Variants in SHISAL1 observed in about 807,000 individuals in gnomAD.
SHISAL1 encodes the protein protein shisa-like-1.
A neutral mutation model predicts 22.6 loss-of-function variants in SHISAL1; 9 were observed. That is an observed-to-expected ratio of 0.40 (90% CI 0.24 to 0.70). The LOEUF (loss-of-function observed/expected upper bound fraction) is 0.70. Ranked by LOEUF, SHISAL1 falls within the 30% of genes least tolerant of loss-of-function variation. SHISAL1 has a pLI of 0.39. For synonymous variants in SHISAL1, 119 were observed against 115.4 expected (o/e 1.03, Z -0.20); for missense variants, 246 against 270.6 (o/e 0.91, Z 0.64).
At chr22:44,299,799 AAGAC>A (rs916112032) in intron 2 of SHISAL1, among the ~76,000 whole-genome samples, 74 of 150,928 alleles carry the variant, frequency 4.9e-4, no homozygotes, top group Admixed American at 3.8e-3. Context: ...GAGATAGAAA[AAGAC>A]AGAGGCAGAC....
chr22:44,284,911 C>CTTCT (rs1425248298), intron 4 of SHISAL1, among the ~76,000 whole-genome samples: 6 of 151,632 alleles, frequency 4.0e-5, no homozygotes, highest in Non-Finnish European at 7.4e-5. Context: ...TCCTTCCTTC[C>CTTCT]TTCCTTCCTT....
At chr22:44,323,456 CCATT>C in the SHISAL1 span, among the ~76,000 whole-genome samples, 16,349 of 138,000 alleles carry the variant, frequency 0.12, 2,742 homozygotes, top group East Asian at 0.15. Context: ...ATCCATCCAT[CCATT>C]CATCCATCCA....
chr22:44,256,430 C>T lies in SHISAL1; in HGVS notation c.*-6745G>A, dbSNP rs138407800. ...AGGAGCCAACTCCCTACAGTGTGTG[C>T]CTTCATGTGTGTCTATATGCGACTG... On this transcript the variant is annotated intron_variant, in intron 4 of 4. Transcript: ENST00000381176. Among the ~76,000 whole-genome samples the T allele has an allele frequency of 2.2e-4, 34 of 152,272 alleles. No homozygotes were observed. In the East Asian group the frequency reaches 5.2e-3, roughly 23 times the overall value.
chr22:44,285,065 G>A (rs1169499570), intron 4 of SHISAL1, among the ~76,000 whole-genome samples: 1 of 152,142 alleles, frequency 6.6e-6, no homozygotes, highest in Non-Finnish European at 1.5e-5. Flanking sequence ...AGACTGATTT[G>A]CTTCCTTTGG....
rs1221357764 is a variant in SHISAL1 at position 44,310,509 on chromosome 22, C to T, written c.-33+2242G>A. 2.6e-5 allele frequency among the ~76,000 whole-genome samples: 4 copies of T among 152,180 alleles called. No homozygotes were observed. The highest frequency in any genetic ancestry group is 3.9e-4 in the East Asian group (2 of 5,182). On this transcript the variant is annotated intron_variant, in intron 1 of 4. Transcript: ENST00000381176. This position sits in a 1 kb window ranked among gnomAD's most constrained non-coding sequence, Gnocchi z 4.0. Reference sequence around the variant, plus strand: ...GGGTGATCTAGGGCAAGTTACTTCACGGGCTTCAGCTTCCTCATCTGTGAA... The same window carrying T: ...GGGTGATCTAGGGCAAGTTACTTCATGGGCTTCAGCTTCCTCATCTGTGAA...
At chr22:44,296,959 C>T (rs1054446063) in intron 2 of SHISAL1, 74 bp from the exon 3 acceptor site, 66 of 1,199,804 alleles carry the variant, frequency 5.5e-5, no homozygotes, top group Non-Finnish European at 7.1e-5. Context: ...GGGGACTGGC[C>T]GGCCTCTTCT....
intron 4 of SHISAL1, among the ~76,000 whole-genome samples, chr22:44,259,330 C>G (rs375151576): frequency 2.0e-5 from 3 of 152,078 alleles, no homozygotes; most frequent in African/African-American, 7.2e-5. Context: ...CCCAGCTACT[C>G]AGGAGGCTGA....
rs1465950955 is a variant in SHISAL1, at chr22:44,247,040, C to T, written c.*2645G>A. The T allele has an allele frequency of 2.6e-5, 4 of 152,184 alleles. No homozygotes were observed. Among genetic ancestry groups the T allele is most frequent in the African/African-American group, 4.8e-5 (2 of 41,408 alleles). The allele number at this position is 152,184 out of a possible 1,614,324, so 9.4% of individuals were successfully genotyped here. ...GGGGGCAGGCAGGAGGAATGTCCTCCTAGAAGGTTGTACATCTCAAGGGAT... is the reference window on the plus strand; with the variant it reads ...GGGGGCAGGCAGGAGGAATGTCCTCTTAGAAGGTTGTACATCTCAAGGGAT... On this transcript the variant is annotated 3_prime_UTR_variant, in exon 5 of 5. Coordinates refer to ENST00000381176, the MANE Select transcript of SHISAL1 (RefSeq NM_001099294.2).
chr22:44,309,033 C>A (rs1217384477), intron 1 of SHISAL1, among the ~76,000 whole-genome samples: 1 of 152,196 alleles, frequency 6.6e-6, no homozygotes, highest in Non-Finnish European at 1.5e-5. Context: ...CCGTGGGCAT[C>A]CCTTTCCCCA....
chr22:44,330,994 C>T, the SHISAL1 span, among the ~76,000 whole-genome samples: 1 of 152,224 alleles, frequency 6.6e-6, no homozygotes, highest in Non-Finnish European at 1.5e-5. Context: ...GCCCTCAGTC[C>T]CCGTGCAGCC....
Position 44,310,130 on chromosome 22 carries a change from C to A in SHISAL1, c.-33+2621G>T, listed in dbSNP as rs2055508141. Among the ~76,000 whole-genome samples the A allele has an allele frequency of 6.6e-6, 1 of 152,212 alleles. No homozygotes were observed. Among genetic ancestry groups the A allele is most frequent in the African/African-American group, 2.4e-5 (1 of 41,458 alleles). ...CACACCCTAGTAACGGCCAATGTGA[C>A]CTGAGCCCTGCTGACCTGATGCCTA... On this transcript the variant is annotated intron_variant, in intron 1 of 4. Transcript: ENST00000381176. The surrounding 1 kb of genome is among the most constrained non-coding windows in gnomAD (Gnocchi z 4.0).
At chr22:44,278,437 G>A (rs1286629824) in intron 4 of SHISAL1, among the ~76,000 whole-genome samples, 1 of 152,240 alleles carries the variant, frequency 6.6e-6, no homozygotes, top group Non-Finnish European at 1.5e-5. Context: ...CAGTCCTCCA[G>A]CAAGCAGGGG....
chr22:44,263,085 T>C (rs1181626044), intron 4 of SHISAL1, among the ~76,000 whole-genome samples: 24 of 142,644 alleles, frequency 1.7e-4, no homozygotes, highest in South Asian at 4.7e-4. Flanking sequence ...CTTTCTTTTT[T>C]TTTTTTTTTT....
chr22:44,293,244 C>A (rs760849058), intron 3 of SHISAL1, among the ~76,000 whole-genome samples: 18 of 152,316 alleles, frequency 1.2e-4, no homozygotes, highest in Non-Finnish European at 2.5e-4. Context: ...GAAGGAGCTG[C>A]GTCCTCCTCT....
intron 3 of SHISAL1, among the ~76,000 whole-genome samples, chr22:44,293,410 C>T (rs7510604): frequency 0.13 from 20,440 of 152,160 alleles, 1,804 homozygotes; most frequent in Non-Finnish European, 0.19. Flanking sequence ...TGGTTGTCAC[C>T]GGGGTGGTGG....
rs1192933994 is a variant in SHISAL1 at position 44,245,052 on chromosome 22, A to C, written c.*4633T>G. ...GCCCAGTGAGGTATTCCTGGACTGC[A>C]AAGGGCAGTGATCAGGGCGTCATCC... On this transcript the variant is annotated 3_prime_UTR_variant, in exon 5 of 5. Coordinates refer to ENST00000381176, the MANE Select transcript of SHISAL1 (RefSeq NM_001099294.2). The C allele has an allele frequency of 6.6e-6, 1 of 152,310 alleles. No homozygotes were observed. The highest frequency in any genetic ancestry group is 2.4e-5 in the African/African-American group (1 of 41,470). The allele number at this position is 152,310 out of a possible 1,614,324, so 9.4% of individuals were successfully genotyped here.
intron 1 of SHISAL1, among the ~76,000 whole-genome samples, chr22:44,301,598 C>T (rs1044843144): frequency 2.0e-5 from 3 of 152,204 alleles, no homozygotes; most frequent in Admixed American, 2.0e-4. Context: ...CAGATACGTA[C>T]ACACACCCAT....
intron 4 of SHISAL1, among the ~76,000 whole-genome samples, chr22:44,279,260 C>T (rs1275063904): frequency 2.6e-5 from 4 of 152,226 alleles, no homozygotes; most frequent in African/African-American, 9.7e-5. Flanking sequence ...CTGGAGGGGA[C>T]AGCCCAGTTT....
intron 4 of SHISAL1, among the ~76,000 whole-genome samples, chr22:44,282,709 G>A (rs2055285101): frequency 1.3e-5 from 2 of 152,228 alleles, no homozygotes; most frequent in Non-Finnish European, 2.9e-5. Flanking sequence ...AAGAGCAGCG[G>A]CACTCAGCAG....
Sources: allele counts gnomAD v4.1 joint callset (sites outside exome capture counted in the v4.1 genomes callset), GRCh38; gene constraint gnomAD v4.1.1; non-coding constraint Gnocchi (gnomAD v3.1); transcripts MANE v1.5; gene names NCBI Gene and HGNC (gene_info 2026-07-23, HGNC 2026-07-21).